The following PCLO variants were observed in gnomAD, a reference collection of about 807,000 sequenced individuals.
PCLO encodes piccolo presynaptic cytomatrix protein.
A neutral mutation model predicts 427.5 loss-of-function variants in PCLO; 82 were observed. The ratio of observed to expected loss-of-function variants is 0.19; its 90% CI spans 0.16 to 0.23. The LOEUF (loss-of-function observed/expected upper bound fraction) is 0.23, where lower values mean the gene tolerates loss of function less well. Among genes scored for constraint, PCLO ranks in the 10% least tolerant of loss-of-function variants. The pLI, the probability that PCLO is intolerant of heterozygous loss-of-function variation, is 1.00. For synonymous variants in PCLO, 2,357 were observed against 2,155.4 expected (o/e 1.09, Z -2.59); for missense variants, 6,239 against 6,115.9 (o/e 1.02, Z -0.67).
chr7:82,957,338 G>A (rs1795550256), intron 4 of PCLO, among the ~76,000 whole-genome samples: 1 of 151,988 alleles, frequency 6.6e-6, no homozygotes, highest in African/African-American at 2.4e-5. Flanking sequence ...ATGAGGTCAG[G>A]TAAAGTTCAA....
chr7:83,050,220 A>C (rs1188748257), intron 3 of PCLO, among the ~76,000 whole-genome samples: 2 of 118,546 alleles, frequency 1.7e-5, no homozygotes, highest in Non-Finnish European at 1.7e-5. Context: ...AAAAAAAAAA[A>C]AAAAAAAAAA....
Position 82,953,460 on chromosome 7 carries a change from A to G in PCLO, c.7493T>C (p.Val2498Ala). 1 of 1,613,446 alleles carries G rather than the reference A, an allele frequency of 6.2e-7. No homozygotes were observed. Residue 2498 changes from valine (V) to alanine (A), a missense_variant, in exon 5 of 25, where the codon GTA becomes GCA. Physicochemically the swap from Val to Ala is moderately conservative, Grantham distance 64. This residue lies in a region of PCLO where 4,677 missense variants were observed against 4,468.4 expected (regional missense o/e 1.05). Coordinates refer to ENST00000333891, the MANE Select transcript of PCLO (RefSeq NM_033026.6). Reference protein sequence around the residue: ...PKPSSIPSGLVFTHRPEPSKP... With the variant: ...PKPSSIPSGLAFTHRPEPSKP... The stretch of plus-strand genomic sequence containing the variant: ...GCTTGGCTCAGGCCTGTGGGTAAAT[A>G]CAAGTCCAGATGGAATTGAAGATGG...
intron 6 of PCLO, among the ~76,000 whole-genome samples, chr7:82,930,139 C>T (rs1794807478): frequency 6.6e-6 from 1 of 152,078 alleles, no homozygotes; most frequent in African/African-American, 2.4e-5. Context: ...TAGGAGACAA[C>T]TTGTATGTAG....
intron 7 of PCLO, among the ~76,000 whole-genome samples, chr7:82,913,833 A>G (rs1360575934): frequency 1.3e-5 from 2 of 151,904 alleles, no homozygotes; most frequent in African/African-American, 4.8e-5. Flanking sequence ...ATGGAAAACT[A>G]GCAAGTCAAT....
intron 9 of PCLO, among the ~76,000 whole-genome samples, chr7:82,892,814 C>A (rs1027069074): frequency 2.0e-5 from 3 of 152,040 alleles, no homozygotes; most frequent in African/African-American, 4.8e-5. Flanking sequence ...ACAAAAGACA[C>A]ATGAAAAAAT....
intron 6 of PCLO, among the ~76,000 whole-genome samples, chr7:82,944,031 C>T (rs573521883): frequency 1.3e-5 from 2 of 149,354 alleles, no homozygotes; most frequent in Non-Finnish European, 3.0e-5. Context: ...CCTGTAATCC[C>T]AGCTACTCGG....
chr7:82,855,848 G>T (rs1792789934), intron 10 of PCLO, among the ~76,000 whole-genome samples: 1 of 151,658 alleles, frequency 6.6e-6, no homozygotes, highest in Non-Finnish European at 1.5e-5. Context: ...GGGAGGAAAT[G>T]GTGGTTGGAG....
At chr7:82,962,811 T>C (rs1795682213) in intron 4 of PCLO, among the ~76,000 whole-genome samples, 2 of 152,010 alleles carry the variant, frequency 1.3e-5, no homozygotes, top group Admixed American at 6.6e-5. Flanking sequence ...AAGCCAGAAT[T>C]AGACAGACTG....
intron 14 of PCLO, among the ~76,000 whole-genome samples, chr7:82,838,792 G>T (rs1018622106): frequency 2.0e-5 from 3 of 151,924 alleles, no homozygotes; most frequent in African/African-American, 7.2e-5. Flanking sequence ...GTCATTTAAA[G>T]ATAAAGCTGT....
At chr7:82,876,297 T>C (rs1793367820) in intron 10 of PCLO, among the ~76,000 whole-genome samples, 1 of 152,010 alleles carries the variant, frequency 6.6e-6, no homozygotes, top group Non-Finnish European at 1.5e-5. Context: ...TCCAGTGATA[T>C]ATAATTGGCA....
chr7:82,792,519 G>C (rs776028201), intron 22 of PCLO, among the ~76,000 whole-genome samples: 1 of 151,682 alleles, frequency 6.6e-6, no homozygotes, highest in Non-Finnish European at 1.5e-5. Flanking sequence ...TTAGAGATGG[G>C]GTTTTGTCAT....
At chr7:82,832,915 T>C (rs1217214801) in intron 16 of PCLO, among the ~76,000 whole-genome samples, 1 of 151,962 alleles carries the variant, frequency 6.6e-6, no homozygotes, top group Non-Finnish European at 1.5e-5. Flanking sequence ...TCCCATTTTG[T>C]AAGCTCTGTT....
intron 4 of PCLO, among the ~76,000 whole-genome samples, chr7:82,959,519 C>T (rs1170803975): frequency 2.0e-5 from 3 of 152,150 alleles, no homozygotes; most frequent in African/African-American, 7.2e-5. Context: ...GAAGGTTCTA[C>T]TGATATTATA....
intron 3 of PCLO, among the ~76,000 whole-genome samples, chr7:83,120,402 G>GGA (rs1554400504): frequency 7.8e-4 from 63 of 80,790 alleles, no homozygotes; most frequent in African/African-American, 2.7e-3. Context: ...CTCTGCCTCA[G>GGA]AAAAAAAAAA....
At chr7:83,090,743 T>G (rs1362293584) in intron 3 of PCLO, among the ~76,000 whole-genome samples, 1 of 152,146 alleles carries the variant, frequency 6.6e-6, no homozygotes, top group African/African-American at 2.4e-5. Flanking sequence ...TATATATTTT[T>G]AAATTACATT....
At chr7:82,901,180 CTCA>C (rs765465249) in intron 9 of PCLO, among the ~76,000 whole-genome samples, 1 of 151,862 alleles carries the variant, frequency 6.6e-6, no homozygotes, top group Non-Finnish European at 1.5e-5. Flanking sequence ...TTAGTACCTC[CTCA>C]TATTAATGAT....
intron 3 of PCLO, among the ~76,000 whole-genome samples, chr7:83,003,035 T>G (rs565574871): frequency 1.3e-5 from 2 of 151,768 alleles, no homozygotes; most frequent in African/African-American, 4.8e-5. Context: ...GAAATATATC[T>G]GAAAGATCAT....
At chr7:82,942,515 A>T (rs989453481) in intron 6 of PCLO, among the ~76,000 whole-genome samples, 4 of 152,056 alleles carry the variant, frequency 2.6e-5, no homozygotes, top group African/African-American at 9.7e-5. Flanking sequence ...TAATCCTTAG[A>T]TATTTATTAT....
intron 6 of PCLO, among the ~76,000 whole-genome samples, chr7:82,938,206 T>C (rs1166820556): frequency 2.0e-5 from 3 of 151,936 alleles, no homozygotes; most frequent in Admixed American, 2.0e-4. Flanking sequence ...TTAAAGAATA[T>C]ATTACATTTT....
Sources: gnomAD v4.1 joint callset for allele counts (sites outside exome capture counted in the v4.1 genomes callset) on GRCh38, gnomAD v4.1.1 for gene constraint, gnomAD v4.1.1 regional missense constraint, MANE v1.5 for transcripts, NCBI Gene and HGNC (gene_info 2026-07-23, HGNC 2026-07-21) for gene names.